Variants in CTNNA3 observed in about 807,000 individuals in gnomAD.
The protein encoded by CTNNA3 is catenin alpha 3.
A neutral mutation model predicts 95.7 loss-of-function variants in CTNNA3; 76 were observed. The ratio of observed to expected loss-of-function variants is 0.79; its 90% confidence interval spans 0.66 to 0.96. The LOEUF is 0.96. Among genes scored for constraint, CTNNA3 ranks in the 40% least tolerant of loss-of-function variants. The pLI is 0.00. For missense variants in CTNNA3, 1,191 were observed against 1,089.8 expected (o/e 1.09, Z -1.31); for synonymous variants, 431 against 374.4 (o/e 1.15, Z -1.74).
chr10:66,600,742 C>T (rs1464572707), intron 10 of CTNNA3, among the ~76,000 whole-genome samples: 1 of 151,740 alleles, frequency 6.6e-6, no homozygotes, highest in Admixed American at 6.6e-5. Context: ...TATTGGCATC[C>T]TTTCTAATGG....
At chr10:66,520,245 CTTT>C (rs543882241) in intron 11 of CTNNA3, among the ~76,000 whole-genome samples, 3,947 of 77,972 alleles carry the variant, frequency 0.051, 105 homozygotes, top group East Asian at 0.31. Flanking sequence ...TAGTATTATT[CTTT>C]TTTTTTTTTT....
At chr10:66,623,206 T>G (rs1002949626) in intron 9 of CTNNA3, among the ~76,000 whole-genome samples, 1 of 152,108 alleles carries the variant, frequency 6.6e-6, no homozygotes, top group Non-Finnish European at 1.5e-5. Flanking sequence ...TAATTCACAC[T>G]GCATTTGCAA....
chr10:67,705,163 C>T (rs1456315354), intron 1 of CTNNA3, among the ~76,000 whole-genome samples: 3 of 151,792 alleles, frequency 2.0e-5, no homozygotes, highest in Non-Finnish European at 3.0e-5. Flanking sequence ...AATAGGAACA[C>T]TTTTACACTG....
intron 15 of CTNNA3, among the ~76,000 whole-genome samples, chr10:65,998,621 A>G (rs1308526344): frequency 6.6e-6 from 1 of 152,162 alleles, no homozygotes; most frequent in African/African-American, 2.4e-5. Context: ...AAAAAGGAAT[A>G]AACTAGTTAG....
chr10:67,603,936 C>A (rs1045891954), intron 3 of CTNNA3, among the ~76,000 whole-genome samples: 1 of 152,198 alleles, frequency 6.6e-6, no homozygotes, highest in Admixed American at 6.5e-5. Context: ...AAGTTCCATT[C>A]ATGGTATGTG....
At chr10:66,592,299 A>AAC (rs141916234) in intron 10 of CTNNA3, among the ~76,000 whole-genome samples, 3,466 of 152,202 alleles carry the variant, frequency 0.023, 158 homozygotes, top group African/African-American at 0.078. Context: ...GTTTTTAGGA[A>AAC]ACAGAAGTTC....
At chr10:67,678,159 A>G (rs1171162587) in intron 1 of CTNNA3, among the ~76,000 whole-genome samples, 1 of 152,228 alleles carries the variant, frequency 6.6e-6, no homozygotes, top group Non-Finnish European at 1.5e-5. Context: ...AACATAAAAG[A>G]GGAAGACACT....
intron 5 of CTNNA3, among the ~76,000 whole-genome samples, chr10:67,427,797 C>T (rs774029582): frequency 7.2e-5 from 11 of 151,954 alleles, no homozygotes; most frequent in Non-Finnish European, 1.3e-4. Flanking sequence ...CTGTCCTCAC[C>T]AGAGTTCAGT....
intron 15 of CTNNA3, among the ~76,000 whole-genome samples, chr10:66,053,937 T>A (rs1206280041): frequency 6.6e-6 from 1 of 152,116 alleles, no homozygotes; most frequent in Non-Finnish European, 1.5e-5. Flanking sequence ...TTATTATTAT[T>A]ATTGTTATCG....
rs1241974192 is a variant in CTNNA3 at position 66,881,153 on chromosome 10, G to T, written c.1048-105629C>A. 2.0e-5 allele frequency among the ~76,000 whole-genome samples: 3 copies of T among 152,006 alleles called. No homozygotes were observed. The East Asian group carries it at 5.8e-4, about 29-fold the overall frequency. On this transcript the variant is annotated intron_variant, in intron 7 of 17. Transcript: ENST00000433211. ...ACCCATGGATGTTTCTACTCTTGGA[G>T]TCTCTAAAAGGAAGGAAACAGGATG...
chr10:66,428,048 A>G (rs1191586530), intron 11 of CTNNA3, among the ~76,000 whole-genome samples: 1 of 152,148 alleles, frequency 6.6e-6, no homozygotes, highest in African/African-American at 2.4e-5. Flanking sequence ...AAATAAAAGG[A>G]TGGAGGAAGA....
At chr10:67,701,001 C>T (rs771203832), upstream of CTNNA3, among the ~76,000 whole-genome samples, 36 of 152,098 alleles carry the variant, frequency 2.4e-4, no homozygotes, top group Middle Eastern at 3.4e-3. Context: ...GGAGCCAATG[C>T]GATCAACTGG....
At chr10:67,030,980 G>A (rs1308181217) in intron 7 of CTNNA3, among the ~76,000 whole-genome samples, 1 of 151,940 alleles carries the variant, frequency 6.6e-6, no homozygotes, top group African/African-American at 2.4e-5. Flanking sequence ...CTCCAGCCTG[G>A]GCAACAAGAG....
intron 11 of CTNNA3, among the ~76,000 whole-genome samples, chr10:66,513,700 C>CCCCT (rs1378176184): frequency 1.3e-5 from 2 of 152,166 alleles, no homozygotes; most frequent in African/African-American, 2.4e-5. Flanking sequence ...GGTCCTCAGG[C>CCCCT]CCCTGGGCAT....
intron 5 of CTNNA3, among the ~76,000 whole-genome samples, chr10:67,487,051 T>A (rs1326299691): frequency 6.6e-6 from 1 of 152,076 alleles, no homozygotes; most frequent in Non-Finnish European, 1.5e-5. Context: ...TGAGGCCCCA[T>A]CAGTGTCCCA....
At chr10:66,016,262 C>T (rs116369818) in intron 15 of CTNNA3, among the ~76,000 whole-genome samples, 1 of 152,116 alleles carries the variant, frequency 6.6e-6, no homozygotes, top group South Asian at 2.1e-4. Flanking sequence ...TGTTTTGTAC[C>T]ATTCAGAAAG....
intron 6 of CTNNA3, among the ~76,000 whole-genome samples, chr10:67,202,351 A>G (rs1863685180): frequency 6.6e-6 from 1 of 152,174 alleles, no homozygotes; most frequent in African/African-American, 2.4e-5. Context: ...TCACTCTAGG[A>G]ACAGCATGGC....
intron 7 of CTNNA3, among the ~76,000 whole-genome samples, chr10:66,984,676 C>G (rs1850628989): frequency 6.6e-6 from 1 of 152,058 alleles, no homozygotes; most frequent in Admixed American, 6.6e-5. Context: ...AATTTTCATT[C>G]CTTTATGCTT....
intron 7 of CTNNA3, among the ~76,000 whole-genome samples, chr10:67,056,357 T>C (rs1855429473): frequency 6.6e-6 from 1 of 152,170 alleles, no homozygotes; most frequent in Non-Finnish European, 1.5e-5. Flanking sequence ...AATTGGTCAT[T>C]GTTAGTCTTC....
Sources: gnomAD v4.1 joint callset for allele counts (sites outside exome capture counted in the v4.1 genomes callset) on GRCh38, gnomAD v4.1.1 for gene constraint, MANE v1.5 for transcripts, NCBI Gene and HGNC (gene_info 2026-07-23, HGNC 2026-07-21) for gene names.